Variants in RSPO2 observed in about 807,000 individuals in gnomAD.
RSPO2 encodes R-spondin-2.
In RSPO2, 14 loss-of-function variants were observed where a neutral mutation model predicts 30.9. The observed-to-expected ratio is 0.45, with a 90% CI of 0.30 to 0.71. The LOEUF is 0.71. Among genes scored for constraint, RSPO2 ranks in the 30% least tolerant of loss-of-function variants. The pLI, the probability that RSPO2 is intolerant of heterozygous loss-of-function variation, is 0.08. For synonymous variants in RSPO2, 107 were observed against 96.4 expected, an observed-to-expected ratio of 1.11 and a Z score of -0.64; for missense variants, 264 against 301.9, an observed-to-expected ratio of 0.87 and a Z score of 0.93.
chr8:107,993,157 CAG>C (rs1259372530), intron 2 of RSPO2, among the ~76,000 whole-genome samples: 1 of 152,102 alleles, frequency 6.6e-6, no homozygotes, highest in Non-Finnish European at 1.5e-5. Flanking sequence ...TTAAAGCATT[CAG>C]AGTTTCCGCA....
intron 3 of RSPO2, among the ~76,000 whole-genome samples, chr8:107,977,267 C>T (rs1042476737): frequency 2.6e-5 from 4 of 152,172 alleles, no homozygotes; most frequent in African/African-American, 4.8e-5. Flanking sequence ...AATTATTACA[C>T]GGTAGCAGTG....
At chr8:107,965,605 C>G (rs930220930) in intron 3 of RSPO2, among the ~76,000 whole-genome samples, 2 of 151,762 alleles carry the variant, frequency 1.3e-5, no homozygotes, top group Non-Finnish European at 2.9e-5. Context: ...ACATTAGAGA[C>G]AGAAAAGGGA....
intron 2 of RSPO2, among the ~76,000 whole-genome samples, chr8:108,068,570 A>T (rs866990037): frequency 1.3e-5 from 2 of 152,218 alleles, no homozygotes; most frequent in South Asian, 4.2e-4. Context: ...CAAAGAAGAT[A>T]TGTTGAAGTC....
intron 5 of RSPO2, among the ~76,000 whole-genome samples, chr8:107,901,867 A>C (rs965674932): frequency 6.6e-6 from 1 of 152,200 alleles, no homozygotes; most frequent in African/African-American, 2.4e-5. Context: ...CTACCAGACG[A>C]TCATACCAAG....
At chr8:107,944,960 CTAGA>C (rs1427210716) in intron 5 of RSPO2, among the ~76,000 whole-genome samples, 17 of 152,090 alleles carry the variant, frequency 1.1e-4, no homozygotes, top group Admixed American at 3.3e-4. Context: ...AGTTTTATCA[CTAGA>C]TAAACTAGTG....
chr8:107,925,007 C>G (rs907865577), intron 5 of RSPO2, among the ~76,000 whole-genome samples: 6 of 151,998 alleles, frequency 3.9e-5, no homozygotes, highest in Admixed American at 1.3e-4. Flanking sequence ...CTATCCTGCA[C>G]TCAGATAAAC....
intron 2 of RSPO2, among the ~76,000 whole-genome samples, chr8:108,070,278 CTTTTTTTT>C (rs1050611219): frequency 3.8e-4 from 31 of 81,204 alleles, no homozygotes; most frequent in Non-Finnish European, 5.4e-4. Flanking sequence ...GACCCCATCT[CTTTTTTTT>C]TTTTTTTTTT....
At chr8:107,905,363 A>C (rs4735020) in intron 5 of RSPO2, among the ~76,000 whole-genome samples, 34,934 of 151,750 alleles carry the variant, frequency 0.23, 4,487 homozygotes, top group Middle Eastern at 0.37. Flanking sequence ...GCTTCTCTCT[A>C]TATATATATG....
At chr8:107,985,538 C>T (rs777650183) in intron 3 of RSPO2, among the ~76,000 whole-genome samples, 13 of 152,012 alleles carry the variant, frequency 8.6e-5, no homozygotes, top group East Asian at 1.9e-4. Flanking sequence ...GTGAGGATAA[C>T]GACAAATACT....
At chr8:107,909,005 G>A (rs4734166) in intron 5 of RSPO2, among the ~76,000 whole-genome samples, 32,229 of 152,040 alleles carry the variant, frequency 0.21, 3,887 homozygotes, top group Middle Eastern at 0.38. Context: ...AAGCTGTTTG[G>A]TGGTGATTCC....
chr8:107,993,708 A>G (rs2130537421), intron 2 of RSPO2, among the ~76,000 whole-genome samples: 1 of 152,300 alleles, frequency 6.6e-6, no homozygotes. Context: ...TCTAGAGACT[A>G]GAAGTCTGAA....
chr8:108,058,021 G>C (rs901036186), intron 2 of RSPO2, among the ~76,000 whole-genome samples: 2 of 152,066 alleles, frequency 1.3e-5, no homozygotes, highest in Admixed American at 6.6e-5. Context: ...TGTTGAATAG[G>C]AGTGGTGAGA....
intron 2 of RSPO2, among the ~76,000 whole-genome samples, chr8:108,025,410 T>A (rs1811187755): frequency 1.3e-5 from 2 of 152,206 alleles, no homozygotes; most frequent in Non-Finnish European, 2.9e-5. Context: ...ATGTCCATCC[T>A]GGGACAATGT....
rs549741536 is a variant in RSPO2 at position 108,048,813 on chromosome 8, C to T, written c.94+33732G>A. ...TTTCTCTTGTGGGTATTTAGTGCTA[C>T]AAATTTCCCTCTACTCACTGCTTTA... On this transcript the variant is annotated intron_variant, in intron 2 of 5. Transcript: ENST00000276659. 6.6e-5 allele frequency among the ~76,000 whole-genome samples: 10 copies of T among 152,278 alleles called. No homozygotes were observed. In the South Asian group the frequency reaches 8.3e-4, roughly 13 times the overall value.
chr8:107,963,553 CAGGT>C (rs1813701449), intron 3 of RSPO2, among the ~76,000 whole-genome samples: 1 of 59,070 alleles, frequency 1.7e-5, no homozygotes, highest in African/African-American at 5.0e-5. Context: ...AAAAAAAAGG[CAGGT>C]TGCAAGATAT....
At chr8:108,042,948 C>T (rs1387818521) in intron 2 of RSPO2, among the ~76,000 whole-genome samples, 1 of 152,118 alleles carries the variant, frequency 6.6e-6, no homozygotes, top group African/African-American at 2.4e-5. Flanking sequence ...TCCATATCAA[C>T]CACATACTGC....
intron 3 of RSPO2, among the ~76,000 whole-genome samples, chr8:107,974,774 ATAATTTTTAAT>A (rs983133946): frequency 6.6e-6 from 1 of 152,150 alleles, no homozygotes; most frequent in African/African-American, 2.4e-5. Context: ...ATCTATGTAT[ATAATTTTTAAT>A]TAGTTTAAAG....
At chr8:107,941,653 T>C (rs1826700) in intron 5 of RSPO2, among the ~76,000 whole-genome samples, 101,680 of 152,110 alleles carry the variant, frequency 0.67, 35,944 homozygotes, top group East Asian at 0.94. Flanking sequence ...ATAAATCTAA[T>C]CAGTGAGAGT....
intron 3 of RSPO2, among the ~76,000 whole-genome samples, chr8:107,985,550 A>T (rs1814594814): frequency 6.6e-6 from 1 of 152,216 alleles, no homozygotes; most frequent in African/African-American, 2.4e-5. Context: ...ACAAATACTC[A>T]TAGAAACAAA....
Sources: allele counts gnomAD v4.1 joint callset (sites outside exome capture counted in the v4.1 genomes callset), GRCh38; gene constraint gnomAD v4.1.1; transcripts MANE v1.5; gene names NCBI Gene and HGNC (gene_info 2026-07-23, HGNC 2026-07-21).